The following ERBB4 variants were observed in gnomAD, a reference collection of about 807,000 sequenced individuals.
ERBB4 encodes erb-b2 receptor tyrosine kinase 4.
Under a neutral mutation model 158.0 loss-of-function variants are expected in ERBB4, and 42 were observed. That is an observed-to-expected ratio of 0.27 (90% CI 0.21 to 0.34). The LOEUF (loss-of-function observed/expected upper bound fraction) is 0.34. ERBB4 is among the 10% of genes least tolerant of loss of function. The pLI is 1.00. For missense variants in ERBB4, 1,333 were observed against 1,624.1 expected (o/e 0.82, Z 3.08); for synonymous variants, 583 against 558.7 (o/e 1.04, Z -0.61).
At chr2:212,251,931 A>G (rs1393233239) in intron 1 of ERBB4, among the ~76,000 whole-genome samples, 1 of 151,994 alleles carries the variant, frequency 6.6e-6, no homozygotes, top group Non-Finnish European at 1.5e-5. Context: ...ACAAGGGTAA[A>G]AACAAGACTA....
chr2:212,322,938 GA>G (rs35638693), intron 1 of ERBB4, among the ~76,000 whole-genome samples: 29,467 of 147,618 alleles, frequency 0.2, 5,202 homozygotes, highest in African/African-American at 0.43. Flanking sequence ...TCCCTAGCCG[GA>G]AAAAAAAATC....
At chr2:211,965,000 T>A (rs910361600) in intron 2 of ERBB4, among the ~76,000 whole-genome samples, 1 of 152,334 alleles carries the variant, frequency 6.6e-6, no homozygotes, top group Admixed American at 6.5e-5. Context: ...CCTAATTTGA[T>A]TTGTTCAACT....
intron 5 of ERBB4, among the ~76,000 whole-genome samples, chr2:211,747,767 T>A (rs2075016343): frequency 6.6e-6 from 1 of 151,996 alleles, no homozygotes; most frequent in African/African-American, 2.4e-5. Context: ...AATTTCACAT[T>A]TTTTACTCAT....
At chr2:211,877,462 CTG>C (rs1046522830) in intron 3 of ERBB4, among the ~76,000 whole-genome samples, 65 of 152,086 alleles carry the variant, frequency 4.3e-4, no homozygotes, top group Admixed American at 9.2e-4. Flanking sequence ...TATATAAACA[CTG>C]TTTTTCTATC....
At chr2:211,746,844 A>C (rs948256367) in intron 5 of ERBB4, among the ~76,000 whole-genome samples, 2 of 151,786 alleles carry the variant, frequency 1.3e-5, no homozygotes, top group Non-Finnish European at 2.9e-5. Context: ...AAAAAAAAAA[A>C]AAACCCTCCA....
chr2:212,073,757 T>C (rs768615394), intron 2 of ERBB4, among the ~76,000 whole-genome samples: 1 of 151,984 alleles, frequency 6.6e-6, no homozygotes, highest in Non-Finnish European at 1.5e-5. Flanking sequence ...CCATCAGACT[T>C]GAACAAGTAA....
intron 1 of ERBB4, among the ~76,000 whole-genome samples, chr2:212,402,735 T>C (rs973288348): frequency 2.0e-5 from 3 of 152,110 alleles, no homozygotes; most frequent in Non-Finnish European, 4.4e-5. Flanking sequence ...TGTGTATAAA[T>C]ACAGGGGTTT....
rs1053535968 is a variant in ERBB4, at chr2:211,380,745, T to C, written c.*2870A>G. 3 of 231,992 alleles carry C rather than the reference T, an allele frequency of 1.3e-5. No individual in the cohort carries two copies. The highest frequency in any genetic ancestry group is 2.6e-5 in the Non-Finnish European group (3 of 117,336). 14.4% of individuals were successfully genotyped at this position (231,992 alleles called of 1,614,324 possible). On this transcript the variant is annotated 3_prime_UTR_variant, in exon 28 of 28. Coordinates refer to ENST00000342788, the MANE Select transcript of ERBB4 (RefSeq NM_005235.3). ...GCTATTATAAAGCATTTGGGTCATT[T>C]TGGATTATTCCTACATGCATCTCTA... is the stretch of plus-strand genomic sequence containing the variant.
intron 20 of ERBB4, among the ~76,000 whole-genome samples, chr2:211,559,862 A>G (rs1410185172): frequency 6.6e-6 from 1 of 152,200 alleles, no homozygotes; most frequent in Non-Finnish European, 1.5e-5. Flanking sequence ...ATAGACAGAG[A>G]GATAGTAAAA....
At chr2:211,966,033 G>C (rs1197098177) in intron 2 of ERBB4, among the ~76,000 whole-genome samples, 2 of 152,026 alleles carry the variant, frequency 1.3e-5, no homozygotes, top group Non-Finnish European at 2.9e-5. Context: ...GTAACTCAGG[G>C]AGACCCTCTC....
At chr2:211,784,032 C>G (rs1478076337) in intron 4 of ERBB4, among the ~76,000 whole-genome samples, 1 of 152,096 alleles carries the variant, frequency 6.6e-6, no homozygotes, top group Non-Finnish European at 1.5e-5. Context: ...TTAATTATTG[C>G]CTCAATTTCA....
chr2:212,460,643 A>G (rs1560387784), intron 1 of ERBB4, among the ~76,000 whole-genome samples: 1 of 152,194 alleles, frequency 6.6e-6, no homozygotes, highest in African/African-American at 2.4e-5. Context: ...CTAAGCAGCA[A>G]AGCCTTCGAG....
intron 12 of ERBB4, among the ~76,000 whole-genome samples, chr2:211,684,620 C>T (rs2072490264): frequency 1.3e-5 from 2 of 152,160 alleles, no homozygotes; most frequent in Non-Finnish European, 2.9e-5. Flanking sequence ...TTATAGTTCT[C>T]CTTAACTGCT....
chr2:212,199,528 T>C (rs1047671088), intron 1 of ERBB4, among the ~76,000 whole-genome samples: 1 of 152,312 alleles, frequency 6.6e-6, no homozygotes, highest in South Asian at 2.1e-4. Flanking sequence ...AAGGAGACTC[T>C]AAACCAAATT....
intron 3 of ERBB4, among the ~76,000 whole-genome samples, chr2:211,814,468 C>T (rs1005540755): frequency 1.3e-5 from 2 of 151,772 alleles, no homozygotes; most frequent in Non-Finnish European, 2.9e-5. Flanking sequence ...TAGCAAATTG[C>T]ACAGAAAATA....
chr2:212,284,764 T>C (rs2085896265), intron 1 of ERBB4, among the ~76,000 whole-genome samples: 1 of 151,302 alleles, frequency 6.6e-6, no homozygotes, highest in South Asian at 2.1e-4. Context: ...AGTTATTTTA[T>C]TTTTCCTTTG....
chr2:211,945,397 C>T (rs2080658330), intron 3 of ERBB4, among the ~76,000 whole-genome samples: 1 of 152,038 alleles, frequency 6.6e-6, no homozygotes, highest in South Asian at 2.1e-4. Context: ...AATAAAATAT[C>T]TGAAAAATGT....
At chr2:211,427,138 C>T (rs972063854) in intron 22 of ERBB4, among the ~76,000 whole-genome samples, 1 of 151,934 alleles carries the variant, frequency 6.6e-6, no homozygotes, top group Admixed American at 6.6e-5. Flanking sequence ...ATTGAAATGT[C>T]TTAAATACTT....
At chr2:211,840,095 T>C (rs1248213468) in intron 3 of ERBB4, among the ~76,000 whole-genome samples, 2 of 151,986 alleles carry the variant, frequency 1.3e-5, no homozygotes, top group African/African-American at 4.8e-5. Flanking sequence ...CCAAATCTCA[T>C]CTTGAATTGT....
Sources: gnomAD v4.1 joint callset for allele counts (sites outside exome capture counted in the v4.1 genomes callset) on GRCh38, gnomAD v4.1.1 for gene constraint, MANE v1.5 for transcripts, NCBI Gene and HGNC (gene_info 2026-07-23, HGNC 2026-07-21) for gene names.